CAPS: variants seen among roughly 807,000 people sequenced by gnomAD.
CAPS encodes calcyphosin.
Under a neutral mutation model 15.5 loss-of-function variants are expected in CAPS, and 16 were observed. The ratio of observed to expected loss-of-function variants is 1.03; its 90% CI spans 0.70 to 1.57. The LOEUF is 1.57. Among genes scored for constraint, CAPS ranks in the 40% most tolerant of loss-of-function variants. The pLI, the probability that CAPS is intolerant of heterozygous loss-of-function variation, is 0.00. For synonymous variants in CAPS, 121 were observed against 116.0 expected, an observed-to-expected ratio of 1.04 and a Z score of -0.28; for missense variants, 294 against 278.4, an observed-to-expected ratio of 1.06 and a Z score of -0.40.
Position 5,914,385 on chromosome 19 carries a change from C to A in CAPS, c.-22C>A. 1 of 1,613,166 alleles carries A rather than the reference C, an allele frequency of 6.2e-7. No homozygotes were observed. Among genetic ancestry groups the A allele is most frequent in the Middle Eastern group, 1.7e-4 (1 of 6,060 alleles). On this transcript the variant is annotated splice_region_variant and 5_prime_UTR_variant, in exon 2 of 5. It adds an upstream start codon to the 5' untranslated region. Transcript: ENST00000588776. ...CCACCTTGACCTCTCTCCCTTCCAG[C>A]TGCCCAGAGCCCAGACCAAGCATGG...
rs1158205884 is a variant in CAPS at position 5,915,229 on chromosome 19, G to C, written c.477G>C (p.Leu159=). The change falls in exon 5 of 5, where the codon CTG becomes CTC. Residue 159 remains leucine, a synonymous_variant. Transcript: ENST00000588776. Reference sequence around the variant, plus strand: ...CGGCCCTCTGTTCCCAGGTCACACTGGCGGAATTCCAGGACTACTACAGCG... The same window carrying C: ...CGGCCCTCTGTTCCCAGGTCACACTCGCGGAATTCCAGGACTACTACAGCG... ...DSSEKDGQVT[L]AEFQDYYSGV... The C allele has an allele frequency of 1.9e-6, 3 of 1,612,956 alleles. No individual in the cohort carries two copies. The highest frequency in any genetic ancestry group is 2.5e-6 in the Non-Finnish European group (3 of 1,179,812).
At position 5,915,081 on chromosome 19, in the gene CAPS, T is replaced by A; in HGVS notation, c.403T>A (p.Trp135Arg). The A allele has an allele frequency of 1.9e-6, 3 of 1,612,774 alleles. No homozygotes were observed. In the South Asian group the frequency reaches 3.3e-5, roughly 18 times the overall value. The change falls in exon 4 of 5, where the codon TGG (tryptophan) becomes AGG (arginine). Residue 135 changes from tryptophan (W) to arginine (R), a missense_variant. Transcript: ENST00000588776. ...CCACCCCAAGGTGCGCAGTGGGGAG[T>A]GGACCGAGGACGAGGTGCTGCGCCG... ...RAHPKVRSGE[W>R]TEDEVLRRFL... is the part of the protein sequence containing the mutation.
At position 5,914,273 on chromosome 19, in the gene CAPS, G is replaced by A; in HGVS notation, c.-59G>A. The A allele has an allele frequency of 6.4e-7, 1 of 1,567,538 alleles. No homozygotes were observed. The highest frequency in any genetic ancestry group is 8.6e-7 in the Non-Finnish European group (1 of 1,157,222). On this transcript the variant is annotated 5_prime_UTR_variant, in exon 1 of 5. Transcript: ENST00000588776. ...CCAGGCACAACACAGCTAACACAAG[G>A]CCCCGCAGGCAGGACTCTGGGACAG...
Position 5,915,750 on chromosome 19 carries a change from A to G in CAPS, c.*428A>G. On this transcript the variant is annotated 3_prime_UTR_variant, in exon 5 of 5. Transcript: ENST00000588776. ...GAAGTTTAGACCTGCCCAGGTGTGG[A>G]GCGAGGGGCACAGGGGCATCCTAAC... 5.6e-6 allele frequency: 1 copy of G among 177,176 alleles called. No homozygotes were observed. 11.0% of individuals were successfully genotyped at this position (177,176 alleles called of 1,614,324 possible).
Position 5,915,373 on chromosome 19 carries a change from C to A in CAPS, c.*51C>A, listed in dbSNP as rs565146557. The A allele has an allele frequency of 2.2e-6, 3 of 1,342,288 alleles. No homozygotes were observed. Among genetic ancestry groups the A allele is most frequent in the Non-Finnish European group, 3.1e-6 (3 of 971,994 alleles). The allele number at this position is 1,342,288 out of a possible 1,614,324, so 83.1% of individuals were successfully genotyped here. The stretch of plus-strand genomic sequence containing the variant: ...CTGGCCTGTCACTCCCCACCCCTGC[C>A]GGAGACCTCCCTTCCCTGGGCCCCT... On this transcript the variant is annotated 3_prime_UTR_variant, in exon 5 of 5. Transcript: ENST00000588776.
chr19:5,914,707 G>A lies in CAPS; in HGVS notation c.228G>A (p.Thr76=), dbSNP rs753079102. The stretch of plus-strand genomic sequence containing the variant: ...AGTGGGACCGCAATGGCAGCGGGAC[G>A]CTGGATCTGGAGGAGTTCCTTCGGG... The part of the protein sequence containing the change: ...CRKWDRNGSG[T]LDLEEFLRAL... The change falls in exon 3 of 5, where the codon ACG becomes ACA. Residue 76 remains threonine, a synonymous_variant. Transcript: ENST00000588776. 25 of 1,613,146 alleles carry A rather than the reference G, an allele frequency of 1.5e-5. No homozygotes were observed. The highest frequency in any genetic ancestry group is 1.8e-5 in the Non-Finnish European group (21 of 1,179,632).
chr19:5,914,716 G>C lies in CAPS; in HGVS notation c.237G>C (p.Leu79=), dbSNP rs1410296889. 2 of 1,612,756 alleles carry C rather than the reference G, an allele frequency of 1.2e-6. No homozygotes were observed. The highest frequency in any genetic ancestry group is 1.7e-6 in the Non-Finnish European group (2 of 1,179,388). Residue 79 remains leucine (L), a synonymous_variant, in exon 3 of 5, where the codon CTG becomes CTC. Coordinates refer to ENST00000588776, the MANE Select transcript of CAPS (RefSeq NM_004058.5). ...GCAATGGCAGCGGGACGCTGGATCT[G>C]GAGGAGTTCCTTCGGGCGCTGCGGG... ...WDRNGSGTLD[L]EEFLRALRPP...
At chr19:5,914,790 A>T in intron 3 of CAPS, 50 bp downstream of exon 3, 1 of 1,574,138 alleles carries the variant, frequency 6.4e-7, no homozygotes, top group East Asian at 2.2e-5. Context: ...ATGGGGCGAC[A>T]GAGGATGCTG....
chr19:5,914,837 G>A (rs1456857393), intron 3 of CAPS, 97 bp downstream of exon 3: 1 of 1,539,700 alleles, frequency 6.5e-7, no homozygotes, highest in East Asian at 2.3e-5. Context: ...AAGAGCTGCT[G>A]TTAAGAGGCG....
rs758037728 is a variant in CAPS at position 5,915,095 on chromosome 19, GGTGCTGCGCCGCTTC to G, written c.418_432del (p.Val140_Phe144del). ...GCAGTGGGGAGTGGACCGAGGACGA[GGTGCTGCGCCGCTTC>G]CTGGACAACTTCGACTCCTCTGAGA... is the stretch of plus-strand genomic sequence containing the variant. On this transcript the variant is annotated inframe_deletion, in exon 4 of 5. Coordinates refer to ENST00000588776, the MANE Select transcript of CAPS (RefSeq NM_004058.5). 30 of 1,613,174 alleles carry G rather than the reference GGTGCTGCGCCGCTTC, an allele frequency of 1.9e-5. No individual in the cohort carries two copies. Among genetic ancestry groups the G allele is most frequent in the Non-Finnish European group, 2.1e-5 (25 of 1,179,930 alleles).
At position 5,915,035 on chromosome 19, in the gene CAPS, C is replaced by T. The variant is rs201259578; in HGVS notation, c.357C>T (p.Arg119=). 1.1e-4 allele frequency: 170 copies of T among 1,612,538 alleles called. 1 individual carries two copies. The highest frequency in any genetic ancestry group is 1.6e-4 in the Middle Eastern group (1 of 6,084). ...GCGTCGTGACGGTGGACGACCTCCG[C>T]GGGGTGTACAGTGGCCGTGCCCACC... ...GDGVVTVDDL[R]GVYSGRAHPK... is the part of the protein sequence containing the mutation. The change falls in exon 4 of 5, where the codon CGC becomes CGT. Residue 119 remains arginine, a synonymous_variant. Transcript: ENST00000588776.
In CAPS at chr19:5,914,594, A is replaced by G. The variant is rs7249419; in HGVS notation, c.115A>G (p.Arg39Gly). The G allele has an allele frequency of 0.014, 23,210 of 1,612,466 alleles. 1,025 individuals are homozygous for G. Among genetic ancestry groups the G allele is most frequent in the African/African-American group, 0.13 (9,999 of 75,046 alleles). Residue 39 changes from arginine (R) to glycine (G), a missense_variant, in exon 3 of 5, where the codon AGA becomes GGA. Physicochemically the swap from Arg to Gly is moderately radical, Grantham distance 125 (BLOSUM62 -2). Transcript: ENST00000588776. Reference sequence around the variant, plus strand: ...CCGCCAACTAGACCGGGACGGGAGCAGATCCCTGGACGCTGATGAGTTCCG... The same window carrying G: ...CCGCCAACTAGACCGGGACGGGAGCGGATCCCTGGACGCTGATGAGTTCCG... ...FFRQLDRDGS[R>G]SLDADEFRQG...
At chr19:5,914,522 G>A in intron 2 of CAPS, 33 bp downstream of exon 2, 1 of 1,605,382 alleles carries the variant, frequency 6.2e-7, no homozygotes, top group Non-Finnish European at 8.5e-7. Flanking sequence ...CCTGACCCCG[G>A]CCCCTGAGAC....
At chr19:5,914,789 C>T (rs2057717303) in intron 3 of CAPS, 49 bp downstream of exon 3, 1 of 1,574,160 alleles carries the variant, frequency 6.4e-7, no homozygotes, top group African/African-American at 1.4e-5. Flanking sequence ...CATGGGGCGA[C>T]AGAGGATGCT....
intron 3 of CAPS, 55 bp downstream of exon 3, chr19:5,914,795 A>T: frequency 6.4e-7 from 1 of 1,567,618 alleles, no homozygotes; most frequent in Non-Finnish European, 8.6e-7. Flanking sequence ...GCGACAGAGG[A>T]TGCTGAGATG....
At position 5,915,501 on chromosome 19, in the gene CAPS, TG is replaced by T; in HGVS notation, c.*182del. ...TCCCTGCCGGTCCACCAGGCGGAGG[TG>T]GGACAAAGGTCCTAACAGGAGTCAC... is the stretch of plus-strand genomic sequence containing the variant. On this transcript the variant is annotated 3_prime_UTR_variant, in exon 5 of 5. Coordinates refer to ENST00000588776, the MANE Select transcript of CAPS (RefSeq NM_004058.5). 1.7e-6 allele frequency: 1 copy of T among 593,678 alleles called. No homozygotes were observed. Among genetic ancestry groups the T allele is most frequent in the Non-Finnish European group, 3.0e-6 (1 of 334,524 alleles). The allele number at this position is 593,678 out of a possible 1,614,324, so 36.8% of individuals were successfully genotyped here. A position where few individuals can be genotyped will look rare whatever the true frequency, so the allele number is the denominator to read the frequency against.
In CAPS at chr19:5,915,050, C is replaced by A; in HGVS notation, c.372C>A (p.Gly124=). The part of the protein sequence containing the change: ...TVDDLRGVYS[G]RAHPKVRSGE... ...ACGACCTCCGCGGGGTGTACAGTGG[C>A]CGTGCCCACCCCAAGGTGCGCAGTG... The change falls in exon 4 of 5, where the codon GGC becomes GGA. Residue 124 remains glycine, a synonymous_variant. Coordinates refer to ENST00000588776, the MANE Select transcript of CAPS (RefSeq NM_004058.5). 1 of 1,612,950 alleles carries A rather than the reference C, an allele frequency of 6.2e-7. No individual in the cohort carries two copies. The highest frequency in any genetic ancestry group is 8.5e-7 in the Non-Finnish European group (1 of 1,179,902).
In CAPS at chr19:5,914,461, G is replaced by C. The variant is rs747526532; in HGVS notation, c.55G>C (p.Gly19Arg). ...ACTCCGGGCACAGTGCCTGTCCCGC[G>C]GGGCCTCGGGCATCCAGGGCCTGGC... ...EKLRAQCLSR[G>R]ASGIQGLARF... Residue 19 changes from glycine (G) to arginine (R), a missense_variant, in exon 2 of 5, where the codon GGG becomes CGG. Physicochemically the swap from Gly to Arg is moderately radical, Grantham distance 125. Transcript: ENST00000588776. 26 of 1,612,402 alleles carry C rather than the reference G, an allele frequency of 1.6e-5. No individual in the cohort carries two copies. The East Asian group carries it at 5.8e-4, about 36-fold the overall frequency.
chr19:5,915,256 C>A lies in CAPS; in HGVS notation c.504C>A (p.Gly168=). The A allele has an allele frequency of 6.2e-7, 1 of 1,613,060 alleles. No homozygotes were observed. The stretch of plus-strand genomic sequence containing the variant: ...CGGAATTCCAGGACTACTACAGCGG[C>A]GTGAGTGCCTCCATGAACACGGATG... ...TLAEFQDYYS[G]VSASMNTDEE... The change falls in exon 5 of 5, where the codon GGC becomes GGA. Residue 168 remains glycine, a synonymous_variant. Coordinates refer to ENST00000588776, the MANE Select transcript of CAPS (RefSeq NM_004058.5).
Sources: gnomAD v4.1 joint callset for allele counts on GRCh38, gnomAD v4.1.1 for gene constraint, MANE v1.5 for transcripts, NCBI Gene and HGNC (gene_info 2026-07-23, HGNC 2026-07-21) for gene names.